Variants in ZRSR2 observed in about 807,000 individuals in gnomAD.
The protein encoded by ZRSR2 is zinc finger CCCH-type, RNA binding motif and serine/arginine rich 2, also known as U2 small nuclear ribonucleoprotein auxiliary factor 35 kDa subunit-related protein 2.
A neutral mutation model predicts 39.4 loss-of-function variants in ZRSR2; 3 were observed. The observed-to-expected ratio is 0.08, with a 90% CI of 0.03 to 0.20. The LOEUF (loss-of-function observed/expected upper bound fraction) is 0.20. Ranked by LOEUF, ZRSR2 falls within the 10% of genes least tolerant of loss-of-function variation. The pLI is 1.00. For synonymous variants in ZRSR2, 137 were observed against 136.0 expected, an observed-to-expected ratio of 1.01 and a Z score of -0.05; for missense variants, 256 against 391.5, an observed-to-expected ratio of 0.65 and a Z score of 2.92.
intron 2 of ZRSR2, among the ~76,000 whole-genome samples, chrX:15,791,711 C>A (rs1397531292): frequency 1.1e-5 from 1 of 94,769 alleles, no homozygotes; most frequent in African/African-American, 4.1e-5. Flanking sequence ...GGCTGGAGTG[C>A]AGTGGCACGA....
At chrX:15,799,202 A>G (rs1420885372) in intron 2 of ZRSR2, among the ~76,000 whole-genome samples, 2 of 101,331 alleles carry the variant, frequency 2.0e-5, no homozygotes, top group Non-Finnish European at 4.0e-5. Context: ...AAAAAAAAAA[A>G]GTGTCCAGAT....
intron 1 of ZRSR2, 23 bp downstream of exon 1, chrX:15,790,559 A>G: frequency 8.6e-7 from 1 of 1,159,450 alleles, no homozygotes; most frequent in Non-Finnish European, 1.1e-6. Context: ...CGGGGAGATG[A>G]GCAGGCGAGC....
In ZRSR2 at chrX:15,822,914, A is replaced by G. The variant is rs1359238888; in HGVS notation, c.1121A>G (p.Tyr374Cys). Residue 374 changes from tyrosine to cysteine, a missense_variant, in exon 11 of 11, where the codon TAC (tyrosine) becomes TGC (cysteine). Around this residue, in one of 3 missense-constraint regions of ZRSR2, gnomAD observed 111 missense variants for 116.7 expected, o/e 0.95. Transcript: ENST00000307771. ...AGGATGGGCCACCACGACGACTACT[A>G]CAGCAGGCTGCGGGGAAGGAGAAAC... is the stretch of plus-strand genomic sequence containing the variant. ...RERMGHHDDY[Y>C]SRLRGRRNPS... The G allele has an allele frequency of 2.5e-6, 3 of 1,212,512 alleles. No individual in the cohort carries two copies. Among genetic ancestry groups the G allele is most frequent in the East Asian group, 3.0e-5 (1 of 33,866 alleles).
intron 2 of ZRSR2, among the ~76,000 whole-genome samples, chrX:15,793,066 G>T (rs767127807): frequency 8.9e-6 from 1 of 112,159 alleles, no homozygotes; most frequent in South Asian, 3.7e-4. Flanking sequence ...ACTAGAGGCA[G>T]AACAAAGCAT....
intron 5 of ZRSR2, among the ~76,000 whole-genome samples, chrX:15,807,831 G>A (rs1273247670): frequency 9.2e-6 from 1 of 108,718 alleles, no homozygotes; most frequent in East Asian, 3.0e-4. Context: ...CTTGAGCTCA[G>A]GAGTTCGAGA....
At chrX:15,821,540 A>G (rs1933107571) in intron 10 of ZRSR2, among the ~76,000 whole-genome samples, 1 of 110,564 alleles carries the variant, frequency 9.0e-6, no homozygotes, top group South Asian at 3.8e-4. Context: ...TGATTTGCAG[A>G]TATTTTCTCC....
intron 2 of ZRSR2, among the ~76,000 whole-genome samples, chrX:15,794,475 T>C (rs1200484515): frequency 8.9e-6 from 1 of 112,206 alleles, no homozygotes; most frequent in African/African-American, 3.2e-5. Context: ...ATGTATTATA[T>C]ACCATATTCT....
At chrX:15,812,346 G>C (rs1255185833) in intron 7 of ZRSR2, among the ~76,000 whole-genome samples, 2 of 112,479 alleles carry the variant, frequency 1.8e-5, no homozygotes, top group Middle Eastern at 4.6e-3. Context: ...ATGAAATTCT[G>C]CGAAATTTGC....
intron 2 of ZRSR2, among the ~76,000 whole-genome samples, chrX:15,796,783 C>CTT (rs1932477844): frequency 2.2e-5 from 1 of 45,235 alleles, no homozygotes; most frequent in African/African-American, 8.6e-5. Flanking sequence ...TGTTTCAAAT[C>CTT]GTTTTTTTTT....
intron 2 of ZRSR2, among the ~76,000 whole-genome samples, chrX:15,793,508 G>T (rs1932348446): frequency 9.0e-6 from 1 of 111,101 alleles, no homozygotes; most frequent in South Asian, 3.7e-4. Context: ...TTGCCTAGTG[G>T]TACTTCATGA....
intron 9 of ZRSR2, among the ~76,000 whole-genome samples, chrX:15,819,736 T>C (rs951360837): frequency 5.4e-5 from 6 of 111,879 alleles, no homozygotes; most frequent in African/African-American, 2.0e-4. Flanking sequence ...AAAGCATTTA[T>C]AGTGAAAGAG....
At chrX:15,791,100 G>A (rs188218016) in intron 2 of ZRSR2, 87 bp downstream of exon 2, 87 of 828,288 alleles carry the variant, frequency 1.1e-4, no homozygotes, top group Non-Finnish European at 1.5e-4. Context: ...TCAGAAGGAA[G>A]TCAAATATTG....
intron 5 of ZRSR2, among the ~76,000 whole-genome samples, chrX:15,807,829 C>G (rs768935794): frequency 9.2e-6 from 1 of 108,581 alleles, no homozygotes; most frequent in African/African-American, 3.3e-5. Context: ...TGCTTGAGCT[C>G]AGGAGTTCGA....
In ZRSR2 at chrX:15,815,586, C is replaced by A. The variant is rs755724176; in HGVS notation, c.558-91C>A. 3.4e-5 allele frequency: 27 copies of A among 795,087 alleles called. No individual in the cohort carries two copies. The East Asian group carries it at 8.2e-4, about 24-fold the overall frequency. 65.5% of individuals were successfully genotyped at this position (795,087 alleles called of 1,213,427 possible). On this transcript the variant is annotated intron_variant, in intron 7 of 10. Transcript: ENST00000307771. The stretch of plus-strand genomic sequence containing the variant: ...CCTCCCAAAGTGTTGGGATTACAGG[C>A]GTGAGCCACCATGCCTGGTCTAAAG...
chrX:15,800,303 C>T (rs1400933806), intron 3 of ZRSR2, among the ~76,000 whole-genome samples: 2 of 106,623 alleles, frequency 1.9e-5, no homozygotes, highest in African/African-American at 6.9e-5. Context: ...TCTCCTGCCT[C>T]AGCCTTCCGA....
At chrX:15,804,329 T>A in intron 5 of ZRSR2, 132 bp downstream of exon 5, 1 of 986,927 alleles carries the variant, frequency 1.0e-6, no homozygotes, top group Non-Finnish European at 1.3e-6. Flanking sequence ...TATTTCAGTT[T>A]AGACATAACA....
chrX:15,800,993 T>C (rs1400802861), intron 3 of ZRSR2, among the ~76,000 whole-genome samples: 1 of 112,028 alleles, frequency 8.9e-6, no homozygotes, highest in African/African-American at 3.2e-5. Context: ...GATGGCCAGG[T>C]AGAAAGGGCT....
chrX:15,799,836 C>G, intron 2 of ZRSR2, 36 bp from the exon 3 acceptor site: 1 of 973,721 alleles, frequency 1.0e-6, no homozygotes, highest in South Asian at 2.3e-5. Flanking sequence ...CAAGGATTTG[C>G]AGCACTCAGT....
chrX:15,796,281 C>A (rs139252297), intron 2 of ZRSR2, among the ~76,000 whole-genome samples: 2,457 of 112,116 alleles, frequency 0.022, 32 homozygotes, highest in Middle Eastern at 0.032. Flanking sequence ...CAAGGTTTAC[C>A]ATTTTGTAGT....
Sources: allele counts gnomAD v4.1 joint callset (sites outside exome capture counted in the v4.1 genomes callset), GRCh38; gene constraint gnomAD v4.1.1; regional missense constraint gnomAD v4.1.1; transcripts MANE v1.5; gene names NCBI Gene and HGNC (gene_info 2026-07-23, HGNC 2026-07-21).